The following TNIK variants were observed in gnomAD, a reference collection of about 807,000 sequenced individuals.
TNIK encodes the protein TRAF2 and NCK interacting kinase, also known as TRAF2 and NCK-interacting protein kinase.
A neutral mutation model predicts 191.3 loss-of-function variants in TNIK; 49 were observed. The observed-to-expected ratio is 0.26, with a 90% CI of 0.20 to 0.32. TNIK has a LOEUF of 0.32. Ranked by LOEUF, TNIK falls within the 10% of genes least tolerant of loss-of-function variation. The pLI is 1.00. For synonymous variants in TNIK, 594 were observed against 600.9 expected, an observed-to-expected ratio of 0.99 and a Z score of 0.17; for missense variants, 1,155 against 1,702.3, an observed-to-expected ratio of 0.68 and a Z score of 5.66.
At chr3:171,148,001 T>C (rs1183429015) in intron 12 of TNIK, among the ~76,000 whole-genome samples, 1 of 151,926 alleles carries the variant, frequency 6.6e-6, no homozygotes, top group Non-Finnish European at 1.5e-5. Context: ...AAAGCTACCA[T>C]AGCTTTCCCA....
At chr3:171,247,949 G>A (rs1424242724) in intron 2 of TNIK, among the ~76,000 whole-genome samples, 1 of 152,196 alleles carries the variant, frequency 6.6e-6, no homozygotes, top group African/African-American at 2.4e-5. Context: ...GGTCTGAAAA[G>A]AGATGAAACT....
intron 3 of TNIK, among the ~76,000 whole-genome samples, chr3:171,212,347 C>T (rs987045940): frequency 1.3e-5 from 2 of 151,996 alleles, no homozygotes; most frequent in Admixed American, 6.6e-5. Flanking sequence ...TTCCTTAATT[C>T]TCTCAGGCAA....
chr3:171,460,177 C>G lies in TNIK; in HGVS notation c.-114G>C, dbSNP rs952716629. 4.5e-6 allele frequency: 6 copies of G among 1,336,508 alleles called. No homozygotes were observed. Among genetic ancestry groups the G allele is most frequent in the African/African-American group, 2.9e-5 (2 of 68,978 alleles). The allele number at this position is 1,336,508 out of a possible 1,614,324, so 82.8% of individuals were successfully genotyped here. On this transcript the variant is annotated 5_prime_UTR_variant, in exon 1 of 33. Coordinates refer to ENST00000436636, the MANE Select transcript of TNIK (RefSeq NM_015028.4). The surrounding 1 kb of genome is among the most constrained non-coding windows in gnomAD (Gnocchi z 6.8). ...CATGCGGGTGTCGCGCCAGAGGCCC[C>G]GGGCCCAGCCTCCCCCGCCCACCCC...
At chr3:171,085,968 G>C (rs1179545723) in intron 24 of TNIK, among the ~76,000 whole-genome samples, 1 of 152,174 alleles carries the variant, frequency 6.6e-6, no homozygotes, top group East Asian at 1.9e-4. Context: ...TGAGGGAACA[G>C]TAAACTCAAT....
At chr3:171,089,247 C>G (rs1721746011) in intron 23 of TNIK, among the ~76,000 whole-genome samples, 1 of 152,200 alleles carries the variant, frequency 6.6e-6, no homozygotes, top group Non-Finnish European at 1.5e-5. Flanking sequence ...CAGTGGCCAT[C>G]AGTAGCGTGT....
chr3:171,391,994 C>T (rs368047515), intron 1 of TNIK, among the ~76,000 whole-genome samples: 3 of 152,070 alleles, frequency 2.0e-5, no homozygotes, highest in Admixed American at 6.5e-5. Flanking sequence ...CCAAGAAAAA[C>T]CTGCTAATGT....
At chr3:171,294,076 A>G (rs1751989519) in intron 2 of TNIK, among the ~76,000 whole-genome samples, 1 of 152,054 alleles carries the variant, frequency 6.6e-6, no homozygotes, top group Non-Finnish European at 1.5e-5. Context: ...AATACAAAAA[A>G]AAATTAGCTG....
At chr3:171,284,969 C>G (rs1380330440) in intron 2 of TNIK, among the ~76,000 whole-genome samples, 1 of 152,142 alleles carries the variant, frequency 6.6e-6, no homozygotes, top group African/African-American at 2.4e-5. Context: ...TTGCCACATG[C>G]TTACAGTAAG....
intron 10 of TNIK, among the ~76,000 whole-genome samples, chr3:171,162,078 G>T (rs1734063182): frequency 6.6e-6 from 1 of 152,070 alleles, no homozygotes; most frequent in African/African-American, 2.4e-5. Context: ...ACTGTCTTTA[G>T]ACTATTTTGC....
At chr3:171,259,294 A>G (rs144280188) in intron 2 of TNIK, among the ~76,000 whole-genome samples, 1 of 152,328 alleles carries the variant, frequency 6.6e-6, no homozygotes, top group African/African-American at 2.4e-5. Flanking sequence ...AGCCACATGA[A>G]TCTTTCAAGA....
chr3:171,266,822 T>G (rs562718710), intron 2 of TNIK, among the ~76,000 whole-genome samples: 7 of 152,164 alleles, frequency 4.6e-5, no homozygotes, highest in Non-Finnish European at 8.8e-5. Flanking sequence ...AAAAAATCAG[T>G]CCAGCTTAAG....
At chr3:171,376,863 A>G (rs983640160) in intron 1 of TNIK, among the ~76,000 whole-genome samples, 4 of 152,208 alleles carry the variant, frequency 2.6e-5, no homozygotes, top group Non-Finnish European at 4.4e-5. Context: ...TCAGTGTAGG[A>G]CAAATTAAAC....
chr3:171,425,759 T>C (rs1373000154), intron 1 of TNIK, among the ~76,000 whole-genome samples: 6 of 145,500 alleles, frequency 4.1e-5, no homozygotes, highest in Non-Finnish European at 6.0e-5. Context: ...ACCCGGGAAG[T>C]AGAAATTGCA....
At chr3:171,183,001 A>C (rs986427619) in intron 7 of TNIK, among the ~76,000 whole-genome samples, 2 of 152,242 alleles carry the variant, frequency 1.3e-5, no homozygotes, top group Non-Finnish European at 2.9e-5. Context: ...ACAATGCAGT[A>C]CATGCTGCAT....
chr3:171,319,271 A>AT (rs1297673120), intron 2 of TNIK, among the ~76,000 whole-genome samples: 2 of 152,098 alleles, frequency 1.3e-5, no homozygotes, highest in African/African-American at 4.8e-5. Context: ...TGTACTTTAG[A>AT]TTTTTTCCAG....
At chr3:171,120,268 A>C (rs1727466084) in intron 18 of TNIK, among the ~76,000 whole-genome samples, 1 of 152,038 alleles carries the variant, frequency 6.6e-6, no homozygotes, top group Non-Finnish European at 1.5e-5. Context: ...CAGGAAGCAA[A>C]AACTGACCGT....
intron 2 of TNIK, among the ~76,000 whole-genome samples, chr3:171,347,411 A>C (rs1259379898): frequency 2.0e-5 from 3 of 149,050 alleles, no homozygotes; most frequent in Middle Eastern, 6.8e-3. Context: ...ACACACACAC[A>C]CACACACACA....
chr3:171,121,948 C>A (rs1727808739), intron 18 of TNIK, among the ~76,000 whole-genome samples: 1 of 152,086 alleles, frequency 6.6e-6, no homozygotes. Flanking sequence ...TCACTTCCTC[C>A]CTTCCTCTCT....
intron 2 of TNIK, among the ~76,000 whole-genome samples, chr3:171,356,838 T>A (rs144109071): frequency 7.9e-5 from 12 of 152,298 alleles, no homozygotes; most frequent in East Asian, 7.7e-4. Flanking sequence ...ACTGTGAAGG[T>A]CAAATGAAAT....
Sources: gnomAD v4.1 joint callset for allele counts (sites outside exome capture counted in the v4.1 genomes callset) on GRCh38, gnomAD v4.1.1 for gene constraint, Gnocchi (gnomAD v3.1) non-coding constraint, MANE v1.5 for transcripts, NCBI Gene and HGNC (gene_info 2026-07-23, HGNC 2026-07-21) for gene names.